The following PACRG variants were observed in gnomAD, a reference collection of about 807,000 sequenced individuals.
The protein encoded by PACRG is parkin coregulated gene protein.
Under a neutral mutation model 29.7 loss-of-function variants are expected in PACRG, and 29 were observed. The ratio of observed to expected loss-of-function variants is 0.98; its 90% CI spans 0.73 to 1.33. The LOEUF (loss-of-function observed/expected upper bound fraction) is 1.33, where lower values mean the gene tolerates loss of function less well. Ranked by LOEUF, PACRG falls within the 40% of genes most tolerant of loss-of-function variation. The pLI, the probability that PACRG is intolerant of heterozygous loss-of-function variation, is 0.00. For missense variants in PACRG, 279 were observed against 316.2 expected (o/e 0.88, Z 0.89); for synonymous variants, 116 against 118.7 (o/e 0.98, Z 0.15).
At chr6:162,830,750 C>CT (rs375601882) in intron 2 of PACRG, among the ~76,000 whole-genome samples, 284 of 152,274 alleles carry the variant, frequency 1.9e-3, no homozygotes, top group African/African-American at 6.4e-3. Context: ...ACTTATCAAG[C>CT]ATTTAGTTAT....
chr6:163,247,413 A>G (rs1350646788), intron 4 of PACRG, among the ~76,000 whole-genome samples: 2 of 152,130 alleles, frequency 1.3e-5, no homozygotes, highest in African/African-American at 4.8e-5. Context: ...GCATTAAGAG[A>G]TATTAAGAAT....
chr6:162,881,617 GGGT>G (rs1299904534), intron 2 of PACRG, among the ~76,000 whole-genome samples: 1 of 151,766 alleles, frequency 6.6e-6, no homozygotes, highest in Non-Finnish European at 1.5e-5. Flanking sequence ...AGAGACCCAG[GGGT>G]GCTCTCCACC....
At position 162,994,984 on chromosome 6, in the gene PACRG, G is replaced by A. The variant is rs189604350; in HGVS notation, c.292-67166G>A. 3.2e-3 allele frequency among the ~76,000 whole-genome samples: 484 copies of A among 150,254 alleles called. 15 individuals carry two copies. The highest frequency in any genetic ancestry group is 0.012 in the African/African-American group (460 of 39,932). ...AGACAGCACCCTCAGCTGCAGGTCTGTTGGAATACCCTGCCGAGTGAGGTG... is the reference window on the plus strand; with the variant it reads ...AGACAGCACCCTCAGCTGCAGGTCTATTGGAATACCCTGCCGAGTGAGGTG... On this transcript the variant is annotated intron_variant, in intron 2 of 4. Coordinates refer to ENST00000366888, the MANE Select transcript of PACRG (RefSeq NM_001080379.2).
intron 2 of PACRG, among the ~76,000 whole-genome samples, chr6:162,927,751 G>GTAA (rs1797551972): frequency 6.6e-6 from 1 of 152,042 alleles, no homozygotes. Context: ...GTTTACCCAT[G>GTAA]TAACAAACCT....
chr6:162,852,968 C>G (rs1791052940), intron 2 of PACRG, among the ~76,000 whole-genome samples: 1 of 152,210 alleles, frequency 6.6e-6, no homozygotes, highest in Middle Eastern at 3.2e-3. Flanking sequence ...AAGCCATTCC[C>G]CTTCTCAACA....
At chr6:163,175,214 AAGATAATT>A (rs1779287948) in intron 4 of PACRG, among the ~76,000 whole-genome samples, 1 of 152,130 alleles carries the variant, frequency 6.6e-6, no homozygotes, top group African/African-American at 2.4e-5. Context: ...CTGCCCTCCT[AAGATAATT>A]AGGTTTGAGC....
chr6:162,792,072 C>T (rs1006123207), intron 1 of PACRG, among the ~76,000 whole-genome samples: 10 of 152,062 alleles, frequency 6.6e-5, no homozygotes, highest in Non-Finnish European at 2.9e-5. Context: ...ATAAAATAGC[C>T]ATCTGTGTGC....
At chr6:162,829,647 A>G (rs1425641698) in intron 2 of PACRG, among the ~76,000 whole-genome samples, 2 of 152,162 alleles carry the variant, frequency 1.3e-5, no homozygotes, top group Admixed American at 6.5e-5. Context: ...AAAAATTCAT[A>G]TTACCTAGCA....
chr6:162,748,942 C>G (rs1781304517), intron 1 of PACRG, among the ~76,000 whole-genome samples: 1 of 152,116 alleles, frequency 6.6e-6, no homozygotes. Context: ...ACACTCACTC[C>G]TTCCCCCCTT....
chr6:162,805,479 G>C (rs576462723), intron 1 of PACRG, among the ~76,000 whole-genome samples: 2 of 152,172 alleles, frequency 1.3e-5, no homozygotes, highest in African/African-American at 4.8e-5. Flanking sequence ...TGTGGTGGTT[G>C]CTGAAAGCTG....
chr6:163,215,770 A>G (rs1466829549), intron 4 of PACRG, among the ~76,000 whole-genome samples: 1 of 152,202 alleles, frequency 6.6e-6, no homozygotes, highest in Non-Finnish European at 1.5e-5. Flanking sequence ...AGGAAGAGGA[A>G]AAGGCTTGAG....
intron 2 of PACRG, among the ~76,000 whole-genome samples, chr6:162,882,755 C>T (rs903400491): frequency 2.6e-5 from 4 of 152,206 alleles, no homozygotes; most frequent in African/African-American, 9.7e-5. Context: ...ACCAACATGT[C>T]TTTGGATTTC....
intron 2 of PACRG, among the ~76,000 whole-genome samples, chr6:162,925,748 C>T (rs1797387660): frequency 6.6e-6 from 1 of 152,130 alleles, no homozygotes; most frequent in South Asian, 2.1e-4. Flanking sequence ...AAAACTGGAA[C>T]AAGACAAGGA....
chr6:163,001,752 A>C (rs1043230265), intron 2 of PACRG, among the ~76,000 whole-genome samples: 1 of 152,158 alleles, frequency 6.6e-6, no homozygotes, highest in Non-Finnish European at 1.5e-5. Flanking sequence ...GACAGCATTC[A>C]CTTATTCACA....
intron 2 of PACRG, among the ~76,000 whole-genome samples, chr6:162,934,260 C>CAA (rs771565424): frequency 0.076 from 11,127 of 146,590 alleles, 1,030 homozygotes; most frequent in African/African-American, 0.23. Flanking sequence ...GAGACTGTCT[C>CAA]AAAAAAAAAA....
intron 2 of PACRG, among the ~76,000 whole-genome samples, chr6:162,930,524 T>G (rs1311708463): frequency 1.3e-5 from 2 of 152,008 alleles, no homozygotes; most frequent in Non-Finnish European, 2.9e-5. Flanking sequence ...ATATATAATA[T>G]GATATCTTTG....
chr6:162,893,316 C>A (rs1398998625), intron 2 of PACRG, among the ~76,000 whole-genome samples: 8 of 152,066 alleles, frequency 5.3e-5, no homozygotes, highest in Admixed American at 5.2e-4. Flanking sequence ...CTCGGCTCGA[C>A]TGGCAGTGTG....
At chr6:163,074,978 G>T (rs918906240) in intron 3 of PACRG, among the ~76,000 whole-genome samples, 1 of 152,012 alleles carries the variant, frequency 6.6e-6, no homozygotes, top group Non-Finnish European at 1.5e-5. Flanking sequence ...GGGTCACAGA[G>T]TGAGACTCTG....
intron 1 of PACRG, among the ~76,000 whole-genome samples, chr6:162,805,341 A>G (rs1267556609): frequency 6.6e-6 from 1 of 152,178 alleles, no homozygotes; most frequent in African/African-American, 2.4e-5. Flanking sequence ...TATGTCTAAA[A>G]ACAATGAGCC....
Sources: allele counts gnomAD v4.1 joint callset (sites outside exome capture counted in the v4.1 genomes callset), GRCh38; gene constraint gnomAD v4.1.1; transcripts MANE v1.5; gene names NCBI Gene and HGNC (gene_info 2026-07-23, HGNC 2026-07-21).